TMEM178A: variants seen among roughly 807,000 people sequenced by gnomAD.
TMEM178A encodes the protein transmembrane protein 178A.
TMEM178A carries 12 observed loss-of-function variants against 29.1 expected under a neutral mutation model. That is an observed-to-expected ratio of 0.41 (90% CI 0.26 to 0.67). The LOEUF (loss-of-function observed/expected upper bound fraction) is 0.67, where lower values mean the gene tolerates loss of function less well. Among genes scored for constraint, TMEM178A ranks in the 30% least tolerant of loss-of-function variants. The probability of loss-of-function intolerance (pLI) is 0.29; values close to 1 mark genes in which losing one functional copy is unlikely to be tolerated. For synonymous variants in TMEM178A, 210 were observed against 187.2 expected (o/e 1.12, Z -0.99); for missense variants, 366 against 419.1 (o/e 0.87, Z 1.11).
At chr2:39,719,385 A>C (rs1672657710), downstream of TMEM178A, among the ~76,000 whole-genome samples, 1 of 152,196 alleles carries the variant, frequency 6.6e-6, no homozygotes, top group Non-Finnish European at 1.5e-5. Context: ...AGGAGGTTGA[A>C]GGGTTCACAC....
At chr2:39,675,930 C>G (rs897871225) in intron 1 of TMEM178A, among the ~76,000 whole-genome samples, 30 of 151,268 alleles carry the variant, frequency 2.0e-4, no homozygotes, top group African/African-American at 7.0e-4. Context: ...CAGGCATGCT[C>G]TACCATGCCT....
At chr2:39,723,254 A>T in the TMEM178A span, among the ~76,000 whole-genome samples, 1 of 152,250 alleles carries the variant, frequency 6.6e-6, no homozygotes, top group Non-Finnish European at 1.5e-5. Context: ...CATTCCCCAC[A>T]GGTAAAACAC....
intron 1 of TMEM178A, among the ~76,000 whole-genome samples, chr2:39,683,280 A>G (rs1007919997): frequency 2.0e-5 from 3 of 152,168 alleles, no homozygotes; most frequent in Middle Eastern, 3.4e-3. Context: ...CCATAGTCTC[A>G]CCTCACCCAT....
intron 1 of TMEM178A, among the ~76,000 whole-genome samples, chr2:39,671,597 C>T (rs567290245): frequency 6.6e-6 from 1 of 152,220 alleles, no homozygotes; most frequent in South Asian, 2.1e-4. Flanking sequence ...GTCTGAAATT[C>T]TTTGGGCATC....
At chr2:39,728,403 A>C in the TMEM178A span, among the ~76,000 whole-genome samples, 1 of 152,118 alleles carries the variant, frequency 6.6e-6, no homozygotes, top group Non-Finnish European at 1.5e-5. Context: ...CTGTTCTCAG[A>C]TCTACAGGCA....
intron 3 of TMEM178A, among the ~76,000 whole-genome samples, chr2:39,714,827 G>A (rs1672465745): frequency 6.6e-6 from 1 of 152,084 alleles, no homozygotes; most frequent in South Asian, 2.1e-4. Flanking sequence ...AAATCAGAGG[G>A]AGTATATACA....
In TMEM178A at chr2:39,717,467, G is replaced by A. The variant is rs1672596507; in HGVS notation, c.*216G>A. ...TTTAATGACTATTTATGCGTTGACT[G>A]TGAGAATAGGGAGCAGTGCCATGGG... On this transcript the variant is annotated 3_prime_UTR_variant, in exon 4 of 4. Coordinates refer to ENST00000281961, the MANE Select transcript of TMEM178A (RefSeq NM_152390.3). 1 of 535,968 alleles carries A rather than the reference G, an allele frequency of 1.9e-6. No individual in the cohort carries two copies. Among genetic ancestry groups the A allele is most frequent in the Non-Finnish European group, 3.1e-6 (1 of 327,784 alleles). 33.2% of individuals were successfully genotyped at this position (535,968 alleles called of 1,614,324 possible). A position where few individuals can be genotyped will look rare whatever the true frequency, so the allele number is the denominator to read the frequency against.
At chr2:39,677,186 C>T (rs1301586445) in intron 1 of TMEM178A, among the ~76,000 whole-genome samples, 2 of 152,110 alleles carry the variant, frequency 1.3e-5, no homozygotes, top group African/African-American at 4.8e-5. Flanking sequence ...ATGTTCAGTG[C>T]CTCCCAAGAA....
At chr2:39,718,324 C>T (rs947722269), downstream of TMEM178A, among the ~76,000 whole-genome samples, 2 of 152,154 alleles carry the variant, frequency 1.3e-5, no homozygotes, top group African/African-American at 4.8e-5. Context: ...CCTAAAGCAG[C>T]GATTTTCAAC....
chr2:39,684,087 T>G (rs1466106742), intron 1 of TMEM178A, among the ~76,000 whole-genome samples: 1 of 152,258 alleles, frequency 6.6e-6, no homozygotes, highest in Non-Finnish European at 1.5e-5. Flanking sequence ...GATCTGCTTC[T>G]GCCTCTAGCC....
intron 1 of TMEM178A, among the ~76,000 whole-genome samples, chr2:39,699,229 G>C (rs1238059308): frequency 6.6e-6 from 1 of 151,500 alleles, no homozygotes; most frequent in Non-Finnish European, 1.5e-5. Flanking sequence ...GTTTTCCTCT[G>C]TTGGCCAGGC....
the TMEM178A span, among the ~76,000 whole-genome samples, chr2:39,735,238 T>C: frequency 2.6e-5 from 4 of 152,210 alleles, no homozygotes; most frequent in East Asian, 1.9e-4. Flanking sequence ...GTATCCACTA[T>C]ATGCCAGGAG....
At chr2:39,716,431 CA>C (rs1157535042) in intron 3 of TMEM178A, among the ~76,000 whole-genome samples, 1 of 152,172 alleles carries the variant, frequency 6.6e-6, no homozygotes, top group Non-Finnish European at 1.5e-5. Flanking sequence ...TCTCCTTGCT[CA>C]GCTATTTTAC....
chr2:39,733,445 C>T, the TMEM178A span, among the ~76,000 whole-genome samples: 3 of 152,146 alleles, frequency 2.0e-5, no homozygotes, highest in Admixed American at 1.3e-4. Flanking sequence ...CTTTATATGA[C>T]GTCCATCATC....
At chr2:39,702,645 G>A (rs1455574445) in intron 1 of TMEM178A, among the ~76,000 whole-genome samples, 1 of 150,546 alleles carries the variant, frequency 6.6e-6, no homozygotes, top group African/African-American at 2.5e-5. Flanking sequence ...CACAACCACT[G>A]CCATGGGGCT....
intron 1 of TMEM178A, among the ~76,000 whole-genome samples, chr2:39,667,594 C>T (rs1670226732): frequency 6.6e-6 from 1 of 152,142 alleles, no homozygotes; most frequent in South Asian, 2.1e-4. Context: ...AATGGAATGA[C>T]ATAGAAAAGA....
At chr2:39,712,956 A>G (rs1238590707) in intron 3 of TMEM178A, among the ~76,000 whole-genome samples, 5 of 152,212 alleles carry the variant, frequency 3.3e-5, no homozygotes, top group South Asian at 2.1e-4. Context: ...ACTTGGGGTA[A>G]TTTGTGATGA....
At chr2:39,666,433 T>G in intron 1 of TMEM178A, 59 bp downstream of exon 1, 7 of 1,222,200 alleles carry the variant, frequency 5.7e-6, no homozygotes, top group Non-Finnish European at 7.1e-6. Flanking sequence ...AGCCCGCGGC[T>G]TCCCAGGGGC....
intron 1 of TMEM178A, among the ~76,000 whole-genome samples, chr2:39,690,881 G>A (rs188654878): frequency 6.6e-6 from 1 of 152,270 alleles, no homozygotes; most frequent in East Asian, 1.9e-4. Context: ...GTTCAGTAGA[G>A]ATAAAAATCA....
Sources: allele counts gnomAD v4.1 joint callset (sites outside exome capture counted in the v4.1 genomes callset), GRCh38; gene constraint gnomAD v4.1.1; transcripts MANE v1.5; gene names NCBI Gene and HGNC (gene_info 2026-07-23, HGNC 2026-07-21).